Variants in MED13L observed in about 807,000 individuals in gnomAD.
The protein encoded by MED13L is mediator complex subunit 13L, also known as mediator of RNA polymerase II transcription subunit 13-like.
In MED13L, 7 loss-of-function variants were observed where a neutral mutation model predicts 220.9. That is an observed-to-expected ratio of 0.03 (90% CI 0.02 to 0.06). The LOEUF is 0.06. Among genes scored for constraint, MED13L ranks in the 10% least tolerant of loss-of-function variants. The pLI is 1.00. For synonymous variants in MED13L, 1,011 were observed against 1,015.2 expected, an observed-to-expected ratio of 1.00 and a Z score of 0.08; for missense variants, 1,965 against 2,760.5, an observed-to-expected ratio of 0.71 and a Z score of 6.46.
chr12:115,960,893 G>T lies in MED13L; in HGVS notation c.*373C>A, dbSNP rs1447275057. The T allele has an allele frequency of 6.0e-6, 2 of 332,466 alleles. No individual in the cohort carries two copies. The highest frequency in any genetic ancestry group is 2.6e-5 in the South Asian group (1 of 38,368). 20.6% of individuals were successfully genotyped at this position (332,466 alleles called of 1,614,324 possible). A position where few individuals can be genotyped will look rare whatever the true frequency, so the allele number is the denominator to read the frequency against. On this transcript the variant is annotated 3_prime_UTR_variant, in exon 31 of 31. Transcript: ENST00000281928. ...AGGATTTCATCCAAAGGGCTAGACT[G>T]CCCTCAATTGTATACAGAGGCTGAA...
At chr12:115,985,849 A>C (rs1056876736) in intron 19 of MED13L, among the ~76,000 whole-genome samples, 2 of 152,174 alleles carry the variant, frequency 1.3e-5, no homozygotes, top group Admixed American at 6.5e-5. Context: ...ACATTTTTAC[A>C]CTGTTGTCAG....
intron 2 of MED13L, among the ~76,000 whole-genome samples, chr12:116,190,358 C>T (rs545572509): frequency 6.6e-6 from 1 of 152,126 alleles, no homozygotes; most frequent in Admixed American, 6.5e-5. Flanking sequence ...GATGTTTGAA[C>T]ATGACCTTCT....
chr12:116,040,014 G>A (rs146220697), intron 4 of MED13L, among the ~76,000 whole-genome samples: 29 of 152,272 alleles, frequency 1.9e-4, no homozygotes, highest in Middle Eastern at 3.4e-3. Context: ...CCCTACTGCC[G>A]TCAGCTTCTT....
At chr12:116,211,201 T>C (rs1035674210) in intron 2 of MED13L, among the ~76,000 whole-genome samples, 5 of 152,320 alleles carry the variant, frequency 3.3e-5, no homozygotes, top group East Asian at 1.9e-4. Flanking sequence ...TTTCCAACCA[T>C]TGCTGAAACC....
At chr12:115,964,698 C>G (rs1876018893) in intron 29 of MED13L, among the ~76,000 whole-genome samples, 1 of 152,128 alleles carries the variant, frequency 6.6e-6, no homozygotes, top group African/African-American at 2.4e-5. Context: ...GACAACAGAG[C>G]TGCCCCCTAA....
chr12:116,092,207 G>T (rs1872282217), intron 4 of MED13L, among the ~76,000 whole-genome samples: 1 of 152,196 alleles, frequency 6.6e-6, no homozygotes, highest in Admixed American at 6.5e-5. Context: ...ATCATAGATA[G>T]CTACTGATCT....
At chr12:116,077,897 A>G (rs1870925177) in intron 4 of MED13L, among the ~76,000 whole-genome samples, 1 of 152,228 alleles carries the variant, frequency 6.6e-6, no homozygotes, top group Non-Finnish European at 1.5e-5. Context: ...TCACGCCTGT[A>G]ATCCCAACAC....
chr12:116,210,604 A>C (rs1048859258), intron 2 of MED13L, among the ~76,000 whole-genome samples: 31 of 139,912 alleles, frequency 2.2e-4, no homozygotes, highest in Admixed American at 7.8e-4. Context: ...GGTATCAGAG[A>C]GCCCTAAAAT....
rs2137386710 is a variant in MED13L at position 116,009,063 on chromosome 12, A to G, written c.1350T>C (p.Ser450=). 1.9e-6 allele frequency: 3 copies of G among 1,614,100 alleles called. No homozygotes were observed. Among genetic ancestry groups the G allele is most frequent in the Non-Finnish European group, 2.5e-6 (3 of 1,179,998 alleles). ...AAGATGAAGATGATGATGGTCCTGC[A>G]CTGAACCCTGGTTGAGATACTGTGG... ...RPPTVSQPGF[S]AGPSSSSSLP... The change falls in exon 10 of 31, where the codon AGT becomes AGC. Residue 450 remains serine (S), a synonymous_variant. Coordinates refer to ENST00000281928, the MANE Select transcript of MED13L (RefSeq NM_015335.5).
At chr12:116,192,940 G>A (rs1023063897) in intron 2 of MED13L, among the ~76,000 whole-genome samples, 2 of 152,164 alleles carry the variant, frequency 1.3e-5, no homozygotes, top group African/African-American at 4.8e-5. Flanking sequence ...AGACCATCCT[G>A]GCTAACACGG....
chr12:116,197,458 C>A (rs1379884968), intron 2 of MED13L, among the ~76,000 whole-genome samples: 3 of 152,076 alleles, frequency 2.0e-5, no homozygotes, highest in Non-Finnish European at 2.9e-5. Flanking sequence ...CAAATGGGAG[C>A]TCCAACTGCT....
At chr12:115,979,093 T>C (rs947416686) in intron 23 of MED13L, among the ~76,000 whole-genome samples, 5 of 152,226 alleles carry the variant, frequency 3.3e-5, no homozygotes, top group East Asian at 1.9e-4. Context: ...AGAGGCAGCA[T>C]TGACCAACTA....
chr12:115,963,598 A>G lies in MED13L; in HGVS notation c.6388-79T>C, dbSNP rs1375324106. ...AAGTGAGGGAGGCCATGTCTGCCAG[A>G]AGCAGATGCTCCCAAAAGTCCGTAG... On this transcript the variant is annotated intron_variant, in intron 29 of 30. Transcript: ENST00000281928. 10 of 1,057,440 alleles carry G rather than the reference A, an allele frequency of 9.5e-6. No homozygotes were observed. The Admixed American group carries it at 1.8e-4, about 19-fold the overall frequency. The allele number at this position is 1,057,440 out of a possible 1,614,324, so 65.5% of individuals were successfully genotyped here. A position where few individuals can be genotyped will look rare whatever the true frequency, so the allele number is the denominator to read the frequency against.
At chr12:116,270,539 G>T (rs1010504490) in intron 1 of MED13L, among the ~76,000 whole-genome samples, 1 of 152,084 alleles carries the variant, frequency 6.6e-6, no homozygotes, top group Non-Finnish European at 1.5e-5. Flanking sequence ...AGAAAACGCT[G>T]ATGTACATGA....
chr12:116,107,108 C>T (rs1248522974), intron 3 of MED13L, among the ~76,000 whole-genome samples: 1 of 152,156 alleles, frequency 6.6e-6, no homozygotes, highest in African/African-American at 2.4e-5. Context: ...GCATGTGTCA[C>T]ACAGTTAACT....
At chr12:116,240,850 A>G (rs920605455) in intron 1 of MED13L, among the ~76,000 whole-genome samples, 2 of 152,052 alleles carry the variant, frequency 1.3e-5, no homozygotes, top group Admixed American at 1.3e-4. Flanking sequence ...TTTTAATCAG[A>G]AACCCTAACA....
At chr12:116,129,353 A>G (rs1282689515) in intron 2 of MED13L, among the ~76,000 whole-genome samples, 2 of 152,354 alleles carry the variant, frequency 1.3e-5, no homozygotes, top group Non-Finnish European at 2.9e-5. Flanking sequence ...TAAATCAGCT[A>G]GACAACTATT....
intron 4 of MED13L, among the ~76,000 whole-genome samples, chr12:116,088,016 T>C (rs568320115): frequency 6.6e-6 from 1 of 152,158 alleles, no homozygotes; most frequent in Non-Finnish European, 1.5e-5. Flanking sequence ...CTATAAATTA[T>C]GAAGAAGATA....
chr12:115,993,552 T>TAA (rs199767263), intron 16 of MED13L, among the ~76,000 whole-genome samples: 1 of 141,168 alleles, frequency 7.1e-6, no homozygotes. Context: ...TGAGTACAGA[T>TAA]AAAAAAAAAA....
Sources: allele counts gnomAD v4.1 joint callset (sites outside exome capture counted in the v4.1 genomes callset), GRCh38; gene constraint gnomAD v4.1.1; transcripts MANE v1.5; gene names NCBI Gene and HGNC (gene_info 2026-07-23, HGNC 2026-07-21).